Variants in SLC6A9 observed in about 807,000 individuals in gnomAD.
SLC6A9 encodes solute carrier family 6 member 9, also known as sodium- and chloride-dependent glycine transporter 1.
A neutral mutation model predicts 70.9 loss-of-function variants in SLC6A9; 31 were observed. The ratio of observed to expected loss-of-function variants is 0.44; its 90% CI spans 0.33 to 0.59. SLC6A9 has a LOEUF of 0.59. Among genes scored for constraint, SLC6A9 ranks in the 20% least tolerant of loss-of-function variants. The pLI, the probability that SLC6A9 is intolerant of heterozygous loss-of-function variation, is 0.04. For synonymous variants in SLC6A9, 310 were observed against 341.3 expected (o/e 0.91, Z 1.01); for missense variants, 631 against 845.2 (o/e 0.75, Z 3.14).
intron 3 of SLC6A9, 132 bp downstream of exon 3, chr1:44,010,593 TG>T: frequency 3.6e-6 from 3 of 836,016 alleles, no homozygotes; most frequent in African/African-American, 1.7e-5. Context: ...AAGCCAGGGA[TG>T]GGGGCGAAGG....
At chr1:44,010,601 A>AAG in intron 3 of SLC6A9, 125 bp downstream of exon 3, 1 of 936,392 alleles carries the variant, frequency 1.1e-6, no homozygotes, top group Non-Finnish European at 1.6e-6. Flanking sequence ...GATGGGGGCG[A>AAG]AGGAGGCCAG....
At chr1:44,022,807 G>T (rs538826318) in intron 2 of SLC6A9, among the ~76,000 whole-genome samples, 63 of 148,444 alleles carry the variant, frequency 4.2e-4, no homozygotes, top group Non-Finnish European at 7.7e-4. Flanking sequence ...CCGGGTTCAA[G>T]TGATTTTCGT....
At chr1:44,005,728 C>T (rs1557676000) in intron 5 of SLC6A9, among the ~76,000 whole-genome samples, 1 of 152,350 alleles carries the variant, frequency 6.6e-6, no homozygotes, top group East Asian at 1.9e-4. Context: ...GATAACATGC[C>T]TGGCACCTAG....
intron 8 of SLC6A9, 26 bp from the exon 9 acceptor site, chr1:44,001,653 G>A: frequency 6.4e-7 from 1 of 1,564,414 alleles, no homozygotes; most frequent in Non-Finnish European, 8.8e-7. Flanking sequence ...ACAGAGTTCA[G>A]CTTCCCTCTC....
chr1:44,008,764 G>A, intron 4 of SLC6A9, 141 bp from the exon 5 acceptor site: 1 of 681,674 alleles, frequency 1.5e-6, no homozygotes, highest in East Asian at 2.7e-5. Context: ...CTGACACCCA[G>A]GCTGGAGTGC....
chr1:44,016,275 G>C (rs1215996659), intron 2 of SLC6A9: 2 of 152,742 alleles, frequency 1.3e-5, no homozygotes, highest in Non-Finnish European at 2.9e-5. Context: ...CAGCAGGCAG[G>C]CACTCTGGAA....
intron 1 of SLC6A9, chr1:44,030,424 C>T (rs2087084671): frequency 6.6e-6 from 1 of 152,496 alleles, no homozygotes; most frequent in African/African-American, 2.4e-5. Context: ...ACTCTCCCGC[C>T]CGGCCCGGCC....
rs781158100 is a variant in SLC6A9 at position 44,002,279 on chromosome 1, AG to A, written c.962+33del. 2.0e-6 allele frequency: 3 copies of A among 1,470,138 alleles called. No homozygotes were observed. In the East Asian group the frequency reaches 6.8e-5, roughly 33 times the overall value. The allele number at this position is 1,470,138 out of a possible 1,614,324, so 91.1% of individuals were successfully genotyped here. On this transcript the variant is annotated intron_variant, in intron 8 of 13. Transcript: ENST00000372310. The surrounding 1 kb of genome is among the most constrained non-coding windows in gnomAD (Gnocchi z 5.5). ...AGATCAGGCTGCAGAGAGTGCAGGA[AG>A]GGGGCAGCCTCAGCCCAGCAGGGAG...
chr1:44,011,682 G>C, intron 2 of SLC6A9: 1 of 1,614,092 alleles, frequency 6.2e-7, no homozygotes, highest in Non-Finnish European at 8.5e-7. Context: ...TCCAGAAAAG[G>C]GTGGCAGGAA....
At chr1:44,029,894 C>A (rs1449979746) in intron 1 of SLC6A9, among the ~76,000 whole-genome samples, 1 of 152,244 alleles carries the variant, frequency 6.6e-6, no homozygotes, top group East Asian at 1.9e-4. Context: ...CTCACTTTGG[C>A]AGTCTTTAAC....
rs200594472 is a variant in SLC6A9 at position 44,002,500 on chromosome 1, C to G, written c.858+12G>C. On this transcript the variant is annotated intron_variant, in intron 7 of 13. Transcript: ENST00000372310. The surrounding 1 kb of genome is among the most constrained non-coding windows in gnomAD (Gnocchi z 5.5). The stretch of plus-strand genomic sequence containing the variant: ...CCTCCCCAGCCCCCTTCCGGTTTCC[C>G]TCACTTCCCACCTTGGCCTCCAGGA... The G allele has an allele frequency of 7.4e-6, 12 of 1,614,132 alleles. No homozygotes were observed. The highest frequency in any genetic ancestry group is 1.0e-5 in the Non-Finnish European group (12 of 1,179,992).
At chr1:44,004,787 G>A (rs1385503890) in intron 5 of SLC6A9, among the ~76,000 whole-genome samples, 2 of 152,162 alleles carry the variant, frequency 1.3e-5, no homozygotes, top group African/African-American at 4.8e-5. Context: ...TTTGGTTTTG[G>A]ACCACATGCT....
chr1:44,004,771 T>G (rs1165832344), intron 5 of SLC6A9, among the ~76,000 whole-genome samples: 1 of 152,232 alleles, frequency 6.6e-6, no homozygotes, highest in African/African-American at 2.4e-5. Flanking sequence ...CTGTTTTTTG[T>G]TTGGTTTTGG....
chr1:44,003,330 T>C (rs2086190907), intron 5 of SLC6A9, among the ~76,000 whole-genome samples: 1 of 152,250 alleles, frequency 6.6e-6, no homozygotes, highest in Non-Finnish European at 1.5e-5. Context: ...GTTTGCACAC[T>C]TCTCCCTTCA....
chr1:44,028,840 C>T (rs751805199), intron 1 of SLC6A9, among the ~76,000 whole-genome samples: 32 of 148,378 alleles, frequency 2.2e-4, no homozygotes, highest in Admixed American at 1.3e-4. Flanking sequence ...AGGAAGGAGC[C>T]AGGCCAAAAA....
At chr1:43,999,247 A>T (rs2085999503) in intron 12 of SLC6A9, among the ~76,000 whole-genome samples, 1 of 151,606 alleles carries the variant, frequency 6.6e-6, no homozygotes, top group South Asian at 2.1e-4. Flanking sequence ...CAGAGAAAAC[A>T]CAACAGCCCA....
In SLC6A9 at chr1:43,997,237, T is replaced by C. The variant is rs2085895679; in HGVS notation, c.*308A>G. Reference sequence around the variant, plus strand: ...CTCAGCTCAGGGCAGGGTATAAGGGTATCGGAGGCCACGTAAAGCCATCCA... The same window carrying C: ...CTCAGCTCAGGGCAGGGTATAAGGGCATCGGAGGCCACGTAAAGCCATCCA... On this transcript the variant is annotated 3_prime_UTR_variant, in exon 14 of 14. Transcript: ENST00000372310. The surrounding 1 kb of genome is among the most constrained non-coding windows in gnomAD (Gnocchi z 4.4). 2.5e-6 allele frequency: 1 copy of C among 392,306 alleles called. No homozygotes were observed. Among genetic ancestry groups the C allele is most frequent in the African/African-American group, 2.1e-5 (1 of 47,314 alleles). The allele number at this position is 392,306 out of a possible 1,614,324, so 24.3% of individuals were successfully genotyped here. A position where few individuals can be genotyped will look rare whatever the true frequency, so the allele number is the denominator to read the frequency against.
chr1:44,011,145 C>G (rs905138813), intron 2 of SLC6A9, among the ~76,000 whole-genome samples: 5 of 152,198 alleles, frequency 3.3e-5, no homozygotes, highest in South Asian at 2.1e-4. Flanking sequence ...CTGCTACCAG[C>G]ATCCGGGAGG....
At chr1:44,024,530 C>A (rs544519043) in intron 1 of SLC6A9, among the ~76,000 whole-genome samples, 168 bp from the exon 2 acceptor site, 23 of 152,362 alleles carry the variant, frequency 1.5e-4, no homozygotes, top group South Asian at 6.2e-4. Context: ...CCTTCCCAGT[C>A]CCCCCAACCT....
Sources: gnomAD v4.1 joint callset for allele counts (sites outside exome capture counted in the v4.1 genomes callset) on GRCh38, gnomAD v4.1.1 for gene constraint, Gnocchi (gnomAD v3.1) non-coding constraint, MANE v1.5 for transcripts, NCBI Gene and HGNC (gene_info 2026-07-23, HGNC 2026-07-21) for gene names.